PRKG1: variants seen among roughly 807,000 people sequenced by gnomAD.
PRKG1 encodes cGMP-dependent protein kinase 1.
A neutral mutation model predicts 88.1 loss-of-function variants in PRKG1; 35 were observed. The observed-to-expected ratio is 0.40, with a 90% CI of 0.30 to 0.53. The LOEUF is 0.53. Among genes scored for constraint, PRKG1 ranks in the 20% least tolerant of loss-of-function variants. The pLI, the probability that PRKG1 is intolerant of heterozygous loss-of-function variation, is 0.59. For missense variants in PRKG1, 540 were observed against 839.8 expected (o/e 0.64, Z 4.41); for synonymous variants, 303 against 292.5 (o/e 1.04, Z -0.37).
chr10:52,155,732 G>GCCACACACACACACACACAC (rs3220860), intron 8 of PRKG1, among the ~76,000 whole-genome samples: 1 of 147,788 alleles, frequency 6.8e-6, no homozygotes, highest in Non-Finnish European at 1.5e-5. Flanking sequence ...ATTGCCATTG[G>GCCACACACACACACACACAC]ACACACACAC....
intron 7 of PRKG1, among the ~76,000 whole-genome samples, chr10:52,103,078 CG>C (rs539569151): frequency 5.6e-4 from 85 of 152,210 alleles, no homozygotes; most frequent in African/African-American, 2.0e-3. Context: ...ACTGCACATG[CG>C]AGGGATCTAG....
At chr10:51,238,786 A>T (rs1839071112) in intron 2 of PRKG1, among the ~76,000 whole-genome samples, 1 of 151,716 alleles carries the variant, frequency 6.6e-6, no homozygotes, top group African/African-American at 2.4e-5. Context: ...AGTATTTTTC[A>T]TACAGTTTTA....
At chr10:51,890,712 T>G (rs906264391) in intron 4 of PRKG1, among the ~76,000 whole-genome samples, 4 of 152,212 alleles carry the variant, frequency 2.6e-5, no homozygotes, top group Non-Finnish European at 4.4e-5. Context: ...TCCTGTCACT[T>G]TGGGAGGTCA....
intron 5 of PRKG1, chr10:51,908,725 C>CTATCTATCTATCTATCTATCTATCTATA (rs1299574623): frequency 1.7e-5 from 1 of 60,584 alleles, no homozygotes; most frequent in Non-Finnish European, 3.7e-5. Context: ...GTCTATCTAT[C>CTATCTATCTATCTATCTATCTATCTATA]TATATGTAAT....
chr10:51,939,825 A>G (rs1842868501), intron 5 of PRKG1, among the ~76,000 whole-genome samples: 1 of 151,480 alleles, frequency 6.6e-6, no homozygotes, highest in African/African-American at 2.4e-5. Context: ...TCTCAAATCT[A>G]CTAAAATGTG....
rs114947507 is a variant in PRKG1 at position 52,005,286 on chromosome 10, G to A, written c.763-49198G>A. On this transcript the variant is annotated intron_variant, in intron 5 of 17. Coordinates refer to ENST00000373980, the MANE Select transcript of PRKG1 (RefSeq NM_006258.4). ...TTTTTTTTTTTCATTCAGTAGAGAC[G>A]GATTTTTGCTATGTTGGCCAGGCTG... Among the ~76,000 whole-genome samples, 425 of 136,472 alleles carry A rather than the reference G, an allele frequency of 3.1e-3. 6 individuals carry two copies. The highest frequency in any genetic ancestry group is 0.011 in the African/African-American group (398 of 36,938). 89.5% of individuals were successfully genotyped at this position (136,472 alleles called of 152,430 possible).
intron 2 of PRKG1, among the ~76,000 whole-genome samples, chr10:51,447,893 A>G (rs558099008): frequency 7.2e-5 from 11 of 152,212 alleles, no homozygotes; most frequent in African/African-American, 2.6e-4. Context: ...GCACATGACC[A>G]TAAAACTCAA....
chr10:52,006,100 C>CAAACA lies in PRKG1; in HGVS notation c.763-48381_763-48380insCAAAA, dbSNP rs566317680. Among the ~76,000 whole-genome samples the CAAACA allele has an allele frequency of 1.3e-3, 189 of 150,198 alleles. 1 individual carries two copies. Among genetic ancestry groups the CAAACA allele is most frequent in the African/African-American group, 4.6e-3 (184 of 39,982 alleles). ...AAAGAAAACAAAACAAACAAACAAA[C>CAAACA]AAAAAAAACAAGTCTATCAAAAAGA... On this transcript the variant is annotated intron_variant, in intron 5 of 17. Transcript: ENST00000373980.
At chr10:52,021,666 A>G (rs184314332) in intron 5 of PRKG1, among the ~76,000 whole-genome samples, 9 of 152,298 alleles carry the variant, frequency 5.9e-5, no homozygotes, top group Admixed American at 5.9e-4. Flanking sequence ...TTTCAACTTT[A>G]TGTTTCATAT....
At chr10:52,290,379 C>A in intron 17 of PRKG1, 89 bp downstream of exon 17, 1 of 1,129,966 alleles carries the variant, frequency 8.8e-7, no homozygotes, top group Non-Finnish European at 1.3e-6. Flanking sequence ...AAAGTTTAAT[C>A]CTATGATTAA....
At chr10:51,751,153 C>T (rs1837714814) in intron 3 of PRKG1, among the ~76,000 whole-genome samples, 1 of 152,170 alleles carries the variant, frequency 6.6e-6, no homozygotes, top group Non-Finnish European at 1.5e-5. Context: ...TTTCTCTAAG[C>T]CCTCAGACTA....
At chr10:51,299,775 G>A (rs1226162044) in intron 2 of PRKG1, 25 of 348,870 alleles carry the variant, frequency 7.2e-5, no homozygotes, top group South Asian at 2.5e-4. Context: ...CTCATGTGGC[G>A]TAACTGCTCT....
intron 3 of PRKG1, among the ~76,000 whole-genome samples, chr10:51,777,022 A>G (rs531846418): frequency 6.4e-4 from 98 of 152,252 alleles, no homozygotes; most frequent in South Asian, 1.7e-3. Context: ...TGATAATCCA[A>G]TGATTCTTGT....
chr10:51,727,244 C>T (rs1842154493), intron 3 of PRKG1, among the ~76,000 whole-genome samples: 1 of 150,222 alleles, frequency 6.7e-6, no homozygotes, highest in African/African-American at 2.4e-5. Context: ...AGTTTCAGAC[C>T]AGCCTGGGCA....
intron 9 of PRKG1, among the ~76,000 whole-genome samples, chr10:52,174,934 A>G (rs781387828): frequency 2.6e-5 from 4 of 152,092 alleles, no homozygotes; most frequent in Non-Finnish European, 5.9e-5. Context: ...CATATAATGT[A>G]TAGTGATCTG....
chr10:51,231,660 C>T (rs572828890), intron 2 of PRKG1, among the ~76,000 whole-genome samples: 10 of 151,868 alleles, frequency 6.6e-5, no homozygotes, highest in South Asian at 2.1e-4. Flanking sequence ...TCAAACTAGA[C>T]GTTCTGTTGA....
intron 1 of PRKG1, among the ~76,000 whole-genome samples, chr10:51,144,720 G>A (rs764440810): frequency 6.6e-6 from 1 of 152,064 alleles, no homozygotes; most frequent in Non-Finnish European, 1.5e-5. Context: ...AAAGCCTTAC[G>A]CAAAACAATG....
chr10:51,504,290 GC>G (rs750217171), intron 3 of PRKG1, among the ~76,000 whole-genome samples: 2 of 152,144 alleles, frequency 1.3e-5, no homozygotes, highest in Non-Finnish European at 2.9e-5. Context: ...TAGACATGTG[GC>G]ATTATTTCTG....
intron 9 of PRKG1, among the ~76,000 whole-genome samples, chr10:52,248,557 G>C (rs754791650): frequency 2.6e-5 from 4 of 152,070 alleles, no homozygotes; most frequent in Non-Finnish European, 5.9e-5. Flanking sequence ...TGTTAGCAAA[G>C]TAATTAGCAA....
Sources: allele counts gnomAD v4.1 joint callset (sites outside exome capture counted in the v4.1 genomes callset), GRCh38; gene constraint gnomAD v4.1.1; transcripts MANE v1.5; gene names NCBI Gene and HGNC (gene_info 2026-07-23, HGNC 2026-07-21).